TENM1: variants seen among roughly 807,000 people sequenced by gnomAD.
TENM1 encodes the protein teneurin transmembrane protein 1, also known as teneurin-1.
In TENM1, 35 loss-of-function variants were observed where a neutral mutation model predicts 174.8. The observed-to-expected ratio is 0.20, with a 90% CI of 0.15 to 0.27. The LOEUF (loss-of-function observed/expected upper bound fraction) is 0.27. TENM1 is among the 10% of genes least tolerant of loss of function. TENM1 has a pLI of 1.00. For synonymous variants in TENM1, 781 were observed against 798.7 expected, an observed-to-expected ratio of 0.98 and a Z score of 0.37; for missense variants, 1,633 against 2,130.1, an observed-to-expected ratio of 0.77 and a Z score of 4.59.
chrX:125,118,236 G>A, the TENM1 span, among the ~76,000 whole-genome samples: 4 of 110,869 alleles, frequency 3.6e-5, no homozygotes, highest in Non-Finnish European at 7.5e-5. Context: ...GAGAGTGAGC[G>A]GGGAGTGAGG....
the TENM1 span, among the ~76,000 whole-genome samples, chrX:125,123,236 A>G: frequency 1.8e-5 from 2 of 110,627 alleles, no homozygotes; most frequent in East Asian, 2.8e-4. Flanking sequence ...TCATTTTTCA[A>G]TTTTGGTATT....
intron 20 of TENM1, among the ~76,000 whole-genome samples, chrX:124,494,305 T>G (rs1569534587): frequency 9.0e-6 from 1 of 110,942 alleles, no homozygotes; most frequent in African/African-American, 3.3e-5. Flanking sequence ...GAAAAAATTG[T>G]TTTATGGAAT....
intron 8 of TENM1, among the ~76,000 whole-genome samples, chrX:124,649,699 ATT>A (rs2051248117): frequency 8.9e-6 from 1 of 112,226 alleles, no homozygotes; most frequent in South Asian, 3.6e-4. Flanking sequence ...TTTGACCTAT[ATT>A]AGTCATTTAG....
chrX:124,809,879 A>AGAGAG (rs397763324), intron 3 of TENM1, among the ~76,000 whole-genome samples: 16 of 105,578 alleles, frequency 1.5e-4, no homozygotes, highest in Admixed American at 3.1e-4. Flanking sequence ...AGAGAGAGAG[A>AGAGAG]AGCAGGAAGC....
At chrX:124,574,057 C>T (rs1033796315) in intron 11 of TENM1, among the ~76,000 whole-genome samples, 3 of 111,973 alleles carry the variant, frequency 2.7e-5, no homozygotes, top group Non-Finnish European at 5.7e-5. Flanking sequence ...AAAATATAAA[C>T]ATTCTTCTGT....
the TENM1 span, among the ~76,000 whole-genome samples, chrX:125,084,535 T>C: frequency 9.0e-6 from 1 of 111,093 alleles, no homozygotes; most frequent in Non-Finnish European, 1.9e-5. Flanking sequence ...ATCATCATAA[T>C]AACAATAATA....
chrX:124,551,873 G>A (rs908589286), intron 14 of TENM1, among the ~76,000 whole-genome samples: 12 of 111,999 alleles, frequency 1.1e-4, no homozygotes, highest in Non-Finnish European at 2.1e-4. Flanking sequence ...GATGTCAATG[G>A]TTTGCAATGG....
At chrX:124,955,537 C>A (rs991442582) in intron 1 of TENM1, among the ~76,000 whole-genome samples, 52 of 111,370 alleles carry the variant, frequency 4.7e-4, no homozygotes, top group African/African-American at 1.7e-3. Context: ...ATTGCTTCTG[C>A]CCACTATTTT....
exon 30 of TENM1, chrX:124,384,326 C>T (rs1336156639): frequency 3.3e-6 from 4 of 1,206,983 alleles, no homozygotes; most frequent in African/African-American, 1.8e-5. Flanking sequence ...GAGGTCATAT[C>T]GGAGAGGAGT....
intron 22 of TENM1, among the ~76,000 whole-genome samples, chrX:124,468,178 T>C (rs951619273): frequency 9.3e-6 from 1 of 107,062 alleles, no homozygotes; most frequent in Non-Finnish European, 1.9e-5. Flanking sequence ...TATCTCTTTC[T>C]TTTTTTTTTC....
chrX:125,186,003 C>G, the TENM1 span, among the ~76,000 whole-genome samples: 7 of 111,328 alleles, frequency 6.3e-5, no homozygotes, highest in Non-Finnish European at 1.1e-4. Context: ...TCCACATAGA[C>G]TCTCTCAACT....
the TENM1 span, among the ~76,000 whole-genome samples, chrX:125,059,532 C>T: frequency 9.0e-6 from 1 of 110,796 alleles, no homozygotes; most frequent in Non-Finnish European, 1.9e-5. Flanking sequence ...TCATGTTGTA[C>T]ATTAAATCTC....
At chrX:124,406,448 G>A in exon 26 of TENM1, 1 of 1,208,810 alleles carries the variant, frequency 8.3e-7, no homozygotes, top group Non-Finnish European at 1.1e-6. Flanking sequence ...GACCTCTCCA[G>A]TGGGAAACGT....
At chrX:124,704,498 C>G (rs1356275839) in intron 5 of TENM1, among the ~76,000 whole-genome samples, 2 of 111,802 alleles carry the variant, frequency 1.8e-5, no homozygotes, top group East Asian at 5.6e-4. Context: ...GACATAGTAA[C>G]TAAACAATTT....
At chrX:124,627,576 C>T (rs1475659523) in intron 11 of TENM1, among the ~76,000 whole-genome samples, 2 of 111,516 alleles carry the variant, frequency 1.8e-5, no homozygotes, top group East Asian at 2.8e-4. Context: ...TTGGTGATCC[C>T]GAGCCACCTC....
At chrX:124,384,154 C>T (rs138281229) in exon 30 of TENM1, 408 of 1,209,804 alleles carry the variant, frequency 3.4e-4, no homozygotes, top group Non-Finnish European at 4.5e-4. Flanking sequence ...GTCGCCCAAG[C>T]CCATCATAGT....
chrX:124,421,547 T>C (rs1278374410), intron 24 of TENM1, among the ~76,000 whole-genome samples: 1 of 111,063 alleles, frequency 9.0e-6, no homozygotes, highest in African/African-American at 3.3e-5. Context: ...GCAATAATTG[T>C]ATCTGTTGAC....
At chrX:124,439,101 G>C (rs1219027390) in intron 23 of TENM1, among the ~76,000 whole-genome samples, 1 of 111,483 alleles carries the variant, frequency 9.0e-6, no homozygotes, top group African/African-American at 3.3e-5. Context: ...AAAAATCCTA[G>C]GATGCTGCTT....
rs754286826 is a variant in TENM1 at position 124,638,514 on chromosome X, G to C, written c.2077+3277C>G. On this transcript the variant is annotated intron_variant, in intron 11 of 31. Coordinates refer to ENST00000422452, the Ensembl canonical transcript of TENM1. ...ATGTATTTATTAAATCATATATAAAGAGGCAAGCTTTTGACTCACTGTAAA... is the reference window on the plus strand; with the variant it reads ...ATGTATTTATTAAATCATATATAAACAGGCAAGCTTTTGACTCACTGTAAA... Among the ~76,000 whole-genome samples the C allele has an allele frequency of 2.5e-3, 275 of 110,928 alleles. 2 individuals are homozygous for C. The highest frequency in any genetic ancestry group is 4.7e-3 in the Middle Eastern group (1 of 214).
Sources: allele counts gnomAD v4.1 joint callset (sites outside exome capture counted in the v4.1 genomes callset), GRCh38; gene constraint gnomAD v4.1.1; transcripts MANE v1.5; gene names NCBI Gene and HGNC (gene_info 2026-07-23, HGNC 2026-07-21).